Variants in AHR observed in about 807,000 individuals in gnomAD.
AHR encodes the protein aryl hydrocarbon receptor.
In AHR, 40 loss-of-function variants were observed where a neutral mutation model predicts 86.8. The observed-to-expected ratio is 0.46, with a 90% CI of 0.36 to 0.60. The LOEUF (loss-of-function observed/expected upper bound fraction) is 0.60, where lower values mean the gene tolerates loss of function less well. Ranked by LOEUF, AHR falls within the 20% of genes least tolerant of loss-of-function variation. The pLI is 0.00. For synonymous variants in AHR, 398 were observed against 354.9 expected, an observed-to-expected ratio of 1.12 and a Z score of -1.37; for missense variants, 1,001 against 1,011.6, an observed-to-expected ratio of 0.99 and a Z score of 0.14.
intron 10 of AHR, among the ~76,000 whole-genome samples, chr7:17,341,038 A>C (rs2040623): frequency 0.22 from 32,876 of 152,006 alleles, 3,889 homozygotes; most frequent in East Asian, 0.41. Context: ...GGAATACATC[A>C]TGTTTGCATT....
intron 10 of AHR, among the ~76,000 whole-genome samples, chr7:17,341,728 T>G (rs555027448): frequency 6.6e-6 from 1 of 152,318 alleles, no homozygotes; most frequent in South Asian, 2.1e-4. Flanking sequence ...TTGAAATGAT[T>G]AGTTTTTTCA....
At chr7:17,329,690 T>C (rs1325760795) in intron 4 of AHR, among the ~76,000 whole-genome samples, 1 of 151,842 alleles carries the variant, frequency 6.6e-6, no homozygotes, top group Non-Finnish European at 1.5e-5. Flanking sequence ...ATTTAAGGAA[T>C]GGGGATGTGA....
chr7:17,316,136 G>C (rs1782113094), intron 2 of AHR, among the ~76,000 whole-genome samples: 1 of 152,148 alleles, frequency 6.6e-6, no homozygotes, highest in South Asian at 2.1e-4. Context: ...GAGAGCCAGA[G>C]AGAAAACTGT....
In AHR at chr7:17,335,701, C is replaced by T. The variant is rs925497930; in HGVS notation, c.1075C>T (p.Arg359Ter). Residue 359 changes from arginine (R) to a stop codon, truncating the protein, a stop_gained, in exon 9 of 11, where the codon CGA becomes TGA. Transcript: ENST00000242057. LOFTEE classifies it high-confidence loss of function. ...IVFRLLTKNN[R>*]WTWVQSNARL... is the part of the protein sequence containing the mutation. Reference sequence around the variant, plus strand: ...TTTCCGGCTTCTTACAAAAAACAACCGATGGACTTGGGTCCAGTCTAATGC... The same window carrying T: ...TTTCCGGCTTCTTACAAAAAACAACTGATGGACTTGGGTCCAGTCTAATGC... 4 of 1,607,312 alleles carry T rather than the reference C, an allele frequency of 2.5e-6. No individual in the cohort carries two copies. The highest frequency in any genetic ancestry group is 2.7e-5 in the African/African-American group (2 of 74,856).
intron 1 of AHR, among the ~76,000 whole-genome samples, chr7:17,300,516 A>T (rs552757838): frequency 2.0e-5 from 3 of 152,308 alleles, no homozygotes; most frequent in South Asian, 4.1e-4. Context: ...AATTTCAGTT[A>T]TCATAGTTCT....
At chr7:17,306,570 T>C (rs933951577) in intron 1 of AHR, among the ~76,000 whole-genome samples, 1 of 152,156 alleles carries the variant, frequency 6.6e-6, no homozygotes, top group Admixed American at 6.6e-5. Context: ...ATTTCTTCTC[T>C]GTGTCTATGC....
In AHR at chr7:17,310,119, T is replaced by C; in HGVS notation, c.249T>C (p.Phe83=). ...SVSYLRAKSF[F]DVALKSSPTE... The stretch of plus-strand genomic sequence containing the variant: ...GTTACCTGAGAGCCAAGAGCTTCTT[T>C]GATGGTAAGACAGAAGGGTTTAATT... The change falls in exon 2 of 11, where the codon TTT becomes TTC. Residue 83 remains phenylalanine (F), a synonymous_variant. Transcript: ENST00000242057. 1.2e-6 allele frequency: 2 copies of C among 1,613,220 alleles called. No homozygotes were observed. The highest frequency in any genetic ancestry group is 8.5e-7 in the Non-Finnish European group (1 of 1,179,230).
intron 3 of AHR, among the ~76,000 whole-genome samples, 194 bp from the exon 4 acceptor site, chr7:17,327,565 A>G (rs1782242011): frequency 6.6e-6 from 1 of 151,842 alleles, no homozygotes; most frequent in African/African-American, 2.4e-5. Context: ...AAATTTAGCC[A>G]TTTTTCCATA....
chr7:17,323,000 A>G (rs1420384485), intron 3 of AHR, among the ~76,000 whole-genome samples: 1 of 152,068 alleles, frequency 6.6e-6, no homozygotes, highest in Non-Finnish European at 1.5e-5. Flanking sequence ...TGTATGGTAG[A>G]CTATACCATC....
intron 1 of AHR, among the ~76,000 whole-genome samples, chr7:17,304,693 TA>T (rs1470777239): frequency 6.6e-6 from 1 of 152,138 alleles, no homozygotes; most frequent in African/African-American, 2.4e-5. Flanking sequence ...TGCCATGTTA[TA>T]AAATATATTT....
chr7:17,333,043 C>T (rs766637351), intron 6 of AHR, among the ~76,000 whole-genome samples: 18 of 151,872 alleles, frequency 1.2e-4, no homozygotes, highest in Non-Finnish European at 2.4e-4. Flanking sequence ...GTATTCAGTA[C>T]GATAGCATGC....
At chr7:17,342,189 A>ACTC (rs1782433434) in intron 10 of AHR, among the ~76,000 whole-genome samples, 20 of 152,166 alleles carry the variant, frequency 1.3e-4, no homozygotes, top group Admixed American at 1.2e-3. Flanking sequence ...ACTAACTAAA[A>ACTC]TATAAAGGCT....
chr7:17,301,150 G>T (rs898308372), intron 1 of AHR, among the ~76,000 whole-genome samples: 1 of 151,902 alleles, frequency 6.6e-6, no homozygotes, highest in African/African-American at 2.4e-5. Context: ...TCAGATCTCT[G>T]CTGAGCACCG....
intron 1 of AHR, among the ~76,000 whole-genome samples, chr7:17,301,898 C>G (rs1403713455): frequency 6.6e-6 from 1 of 151,850 alleles, no homozygotes; most frequent in African/African-American, 2.4e-5. Flanking sequence ...AGATAACTTT[C>G]ATTATAGAAT....
chr7:17,327,334 G>T (rs529712342), intron 3 of AHR, among the ~76,000 whole-genome samples: 4 of 151,908 alleles, frequency 2.6e-5, no homozygotes, highest in Non-Finnish European at 5.9e-5. Context: ...TGCTTGAAAT[G>T]TCTTTGTACA....
chr7:17,326,408 A>C lies in AHR; in HGVS notation c.361-1351A>C, dbSNP rs868598727. ...ATGTGAGCAGCATAAGCACTAGGGC[A>C]AAGACTTGTTAACTCTTAAATCCCA... is the stretch of plus-strand genomic sequence containing the variant. On this transcript the variant is annotated intron_variant, in intron 3 of 10. Coordinates refer to ENST00000242057, the MANE Select transcript of AHR (RefSeq NM_001621.5). Among the ~76,000 whole-genome samples, 3 of 152,332 alleles carry C rather than the reference A, an allele frequency of 2.0e-5. 1 individual carries two copies. In the Middle Eastern group the frequency reaches 0.01, roughly 518 times the overall value.
At chr7:17,337,614 A>G (rs970674744) in intron 9 of AHR, among the ~76,000 whole-genome samples, 63 of 150,600 alleles carry the variant, frequency 4.2e-4, no homozygotes, top group African/African-American at 1.4e-3. Context: ...AGCTGGGACT[A>G]CAGGCGCCCG....
intron 3 of AHR, among the ~76,000 whole-genome samples, chr7:17,325,659 G>A (rs934466402): frequency 3.9e-5 from 6 of 152,084 alleles, no homozygotes; most frequent in Non-Finnish European, 7.4e-5. Flanking sequence ...GGATGGAGCC[G>A]GAGGCCATTA....
intron 3 of AHR, among the ~76,000 whole-genome samples, chr7:17,327,259 T>A (rs1023795389): frequency 1.3e-5 from 2 of 152,096 alleles, no homozygotes; most frequent in Admixed American, 1.3e-4. Flanking sequence ...CATGTATATT[T>A]TATATATATA....
Sources: allele counts gnomAD v4.1 joint callset (sites outside exome capture counted in the v4.1 genomes callset), GRCh38; gene constraint gnomAD v4.1.1; transcripts MANE v1.5; gene names NCBI Gene and HGNC (gene_info 2026-07-23, HGNC 2026-07-21).